Variants in MSRA observed in about 807,000 individuals in gnomAD.
The protein encoded by MSRA is mitochondrial peptide methionine sulfoxide reductase.
MSRA carries 54 observed loss-of-function variants against 31.3 expected under a neutral mutation model. The observed-to-expected ratio is 1.73, with a 90% CI of 1.39 to 2.17. The LOEUF is 2.17. Ranked by LOEUF, MSRA falls within the 30% of genes most tolerant of loss-of-function variation. The pLI is 0.00. For missense variants in MSRA, 507 were observed against 300.9 expected (o/e 1.69, Z -5.07); for synonymous variants, 169 against 116.5 (o/e 1.45, Z -2.90).
chr8:10,428,551 G>C lies in MSRA; in HGVS notation c.*239G>C. On this transcript the variant is annotated 3_prime_UTR_variant, in exon 6 of 6. Transcript: ENST00000317173. ...CTGTGCAGTTTCCTGTGTCTTCTGG[G>C]GTCTGAGTGAAGATAGCAGGGATGC... 1 of 466,876 alleles carries C rather than the reference G, an allele frequency of 2.1e-6. No individual in the cohort carries two copies. The highest frequency in any genetic ancestry group is 2.2e-5 in the South Asian group (1 of 44,976). 28.9% of individuals were successfully genotyped at this position (466,876 alleles called of 1,614,324 possible).
intron 1 of MSRA, among the ~76,000 whole-genome samples, chr8:10,179,761 G>A (rs1021955947): frequency 6.6e-6 from 1 of 152,174 alleles, no homozygotes; most frequent in African/African-American, 2.4e-5. Flanking sequence ...TGACTTTGTG[G>A]GTTGAGGTAA....
At chr8:10,384,777 G>A (rs1204409481) in intron 5 of MSRA, among the ~76,000 whole-genome samples, 1 of 152,166 alleles carries the variant, frequency 6.6e-6, no homozygotes, top group African/African-American at 2.4e-5. Flanking sequence ...AGAGGCTGAG[G>A]TGGGCAGATC....
chr8:10,284,886 A>G (rs1799851534), intron 3 of MSRA, among the ~76,000 whole-genome samples: 1 of 152,166 alleles, frequency 6.6e-6, no homozygotes. Flanking sequence ...CAGAACAAGC[A>G]CTGTTTGCCA....
chr8:10,144,587 A>G (rs914503901), intron 1 of MSRA, among the ~76,000 whole-genome samples: 1 of 152,142 alleles, frequency 6.6e-6, no homozygotes, highest in Non-Finnish European at 1.5e-5. Flanking sequence ...TGTTGAAAAC[A>G]GCGCTTCCCC....
chr8:10,082,581 G>A (rs1267206617), intron 1 of MSRA, among the ~76,000 whole-genome samples: 1 of 152,158 alleles, frequency 6.6e-6, no homozygotes, highest in African/African-American at 2.4e-5. Flanking sequence ...ATCCTACCAA[G>A]TTGTTTTCTC....
chr8:10,354,893 C>A (rs1428115304), intron 5 of MSRA, among the ~76,000 whole-genome samples: 1 of 152,022 alleles, frequency 6.6e-6, no homozygotes, highest in Non-Finnish European at 1.5e-5. Context: ...TTGCTTCCAA[C>A]ATTTCCTGCT....
intron 3 of MSRA, among the ~76,000 whole-genome samples, chr8:10,295,398 C>T (rs552536134): frequency 5.4e-3 from 729 of 134,646 alleles, no homozygotes; most frequent in South Asian, 8.8e-3. Flanking sequence ...CGTTCTTACT[C>T]CTTCCTTCTC....
intron 1 of MSRA, among the ~76,000 whole-genome samples, chr8:10,165,522 G>A (rs1455039593): frequency 6.6e-6 from 1 of 152,196 alleles, no homozygotes; most frequent in African/African-American, 2.4e-5. Context: ...AGACCAGGCT[G>A]GGTGGGGAGA....
intron 1 of MSRA, among the ~76,000 whole-genome samples, chr8:10,130,162 C>T (rs1585214815): frequency 6.6e-6 from 1 of 152,202 alleles, no homozygotes; most frequent in East Asian, 1.9e-4. Flanking sequence ...GTCCCTTATC[C>T]TCACCAATAG....
chr8:10,405,026 C>A (rs1807715040), intron 5 of MSRA, among the ~76,000 whole-genome samples: 5 of 152,214 alleles, frequency 3.3e-5, no homozygotes, highest in Non-Finnish European at 7.3e-5. Flanking sequence ...CCTGTGCTCC[C>A]TCTCATCTGT....
At chr8:10,170,780 C>T (rs760122993) in intron 1 of MSRA, among the ~76,000 whole-genome samples, 2 of 152,154 alleles carry the variant, frequency 1.3e-5, no homozygotes, top group Non-Finnish European at 2.9e-5. Context: ...AACTGAGGGA[C>T]AACTATACTG....
intron 2 of MSRA, among the ~76,000 whole-genome samples, chr8:10,237,212 T>G (rs1812020803): frequency 6.6e-6 from 1 of 152,224 alleles, no homozygotes; most frequent in African/African-American, 2.4e-5. Context: ...TCTTGTGGCA[T>G]TTGTATTATA....
intron 1 of MSRA, among the ~76,000 whole-genome samples, chr8:10,080,380 TG>T (rs1011338498): frequency 1.2e-4 from 19 of 152,116 alleles, no homozygotes; most frequent in Admixed American, 8.5e-4. Context: ...TCTGAATATT[TG>T]AAAGTATAGT....
At chr8:10,353,192 T>C (rs1563384592) in intron 5 of MSRA, among the ~76,000 whole-genome samples, 1 of 152,214 alleles carries the variant, frequency 6.6e-6, no homozygotes, top group Non-Finnish European at 1.5e-5. Context: ...CTCAAGGTAG[T>C]TGACATGTTG....
chr8:10,076,756 C>T (rs1394587572), intron 1 of MSRA, among the ~76,000 whole-genome samples: 1 of 152,066 alleles, frequency 6.6e-6, no homozygotes, highest in Non-Finnish European at 1.5e-5. Flanking sequence ...TTCCTAGTCT[C>T]CTGCCTTTCC....
intron 5 of MSRA, among the ~76,000 whole-genome samples, chr8:10,326,262 C>A (rs1802356993): frequency 6.6e-6 from 1 of 152,144 alleles, no homozygotes; most frequent in South Asian, 2.1e-4. Flanking sequence ...ACAGAGCAGC[C>A]ATTTGAACAT....
rs74528306 is a variant in MSRA, at chr8:10,243,964, A to G, written c.212-1140A>G. Among the ~76,000 whole-genome samples, 1,251 of 152,296 alleles carry G rather than the reference A, an allele frequency of 8.2e-3. 11 individuals are homozygous for G. The highest frequency in any genetic ancestry group is 0.048 in the South Asian group (231 of 4,810). ...TTAGCAAATAGAATATCTTTGTATAATATATAACTTTATTCAAATTACTTT... is the reference window on the plus strand; with the variant it reads ...TTAGCAAATAGAATATCTTTGTATAGTATATAACTTTATTCAAATTACTTT... On this transcript the variant is annotated intron_variant, in intron 2 of 5. Transcript: ENST00000317173.
At chr8:10,065,862 T>C (rs903814582) in intron 1 of MSRA, among the ~76,000 whole-genome samples, 1 of 152,082 alleles carries the variant, frequency 6.6e-6, no homozygotes, top group African/African-American at 2.4e-5. Flanking sequence ...TCTGGTTTCT[T>C]GTCCCAGTGG....
At chr8:10,180,047 G>A (rs987462754) in intron 1 of MSRA, among the ~76,000 whole-genome samples, 1 of 152,130 alleles carries the variant, frequency 6.6e-6, no homozygotes, top group African/African-American at 2.4e-5. Context: ...TTAACGACCT[G>A]GAATTAGACC....
Sources: gnomAD v4.1 joint callset for allele counts (sites outside exome capture counted in the v4.1 genomes callset) on GRCh38, gnomAD v4.1.1 for gene constraint, MANE v1.5 for transcripts, NCBI Gene and HGNC (gene_info 2026-07-23, HGNC 2026-07-21) for gene names.